MANBA: variants seen among roughly 807,000 people sequenced by gnomAD.
The protein encoded by MANBA is mannosidase beta, also known as beta-mannosidase.
In MANBA, 83 loss-of-function variants were observed where a neutral mutation model predicts 111.1. The observed-to-expected ratio is 0.75, with a 90% confidence interval of 0.63 to 0.90. The LOEUF is 0.90. MANBA is among the 40% of genes least tolerant of loss of function. The pLI is 0.00. For missense variants in MANBA, 1,036 were observed against 1,069.0 expected, an observed-to-expected ratio of 0.97 and a Z score of 0.43; for synonymous variants, 370 against 378.7, an observed-to-expected ratio of 0.98 and a Z score of 0.27.
chr4:102,660,105 C>T (rs17033100), intron 11 of MANBA, among the ~76,000 whole-genome samples: 2,689 of 152,252 alleles, frequency 0.018, 73 homozygotes, highest in African/African-American at 0.054. Context: ...TTGCCAACAT[C>T]GCAAATCCAA....
At chr4:102,642,014 C>G (rs1333444161) in intron 13 of MANBA, among the ~76,000 whole-genome samples, 1 of 151,900 alleles carries the variant, frequency 6.6e-6, no homozygotes, top group Non-Finnish European at 1.5e-5. Flanking sequence ...ATGCTAATAA[C>G]ATGGACCTGA....
chr4:102,635,801 C>T (rs2110189562), intron 15 of MANBA, 64 bp downstream of exon 15: 1 of 1,504,886 alleles, frequency 6.6e-7, no homozygotes, highest in South Asian at 1.1e-5. Context: ...AGAATGTAAC[C>T]AAACAACTAA....
At chr4:102,746,060 T>G (rs1047897970) in intron 1 of MANBA, among the ~76,000 whole-genome samples, 1 of 152,170 alleles carries the variant, frequency 6.6e-6, no homozygotes, top group Non-Finnish European at 1.5e-5. Flanking sequence ...ATGGTTTATC[T>G]CCTCAGACAA....
chr4:102,706,516 C>T (rs946131022), intron 5 of MANBA, among the ~76,000 whole-genome samples: 41 of 151,980 alleles, frequency 2.7e-4, no homozygotes, highest in African/African-American at 8.7e-4. Context: ...ATACCAGATG[C>T]GTGGATATAA....
chr4:102,631,965 C>G lies in MANBA; in HGVS notation c.*92G>C, dbSNP rs954346877. ...GGCAGCACGCAGACATGTCTCTCGG[C>G]TTCTCTCCTTGTCTCTGTTGCCTTC... On this transcript the variant is annotated 3_prime_UTR_variant, in exon 17 of 17. Transcript: ENST00000647097. The G allele has an allele frequency of 2.7e-6, 3 of 1,113,360 alleles. No individual in the cohort carries two copies. The highest frequency in any genetic ancestry group is 4.1e-6 in the Non-Finnish European group (3 of 735,116). 69.0% of individuals were successfully genotyped at this position (1,113,360 alleles called of 1,614,324 possible). A position where few individuals can be genotyped will look rare whatever the true frequency, so the allele number is the denominator to read the frequency against.
chr4:102,722,748 C>T (rs1250161954), intron 4 of MANBA, 123 bp downstream of exon 4: 7 of 986,696 alleles, frequency 7.1e-6, no homozygotes, highest in African/African-American at 1.6e-5. Flanking sequence ...TCAAACCCCA[C>T]TAAGGGATCA....
In MANBA at chr4:102,650,710, T is replaced by A; in HGVS notation, c.1705-9A>T. ...TCCTCTGTAGACGAGACCTTTCAAA[T>A]AAAGAATAAGAATTAGAAATCTGAA... On this transcript the variant is annotated splice_polypyrimidine_tract_variant and intron_variant, in intron 12 of 16. Coordinates refer to ENST00000647097, the MANE Select transcript of MANBA (RefSeq NM_005908.4). The A allele has an allele frequency of 6.2e-7, 1 of 1,608,336 alleles. No individual in the cohort carries two copies. Among genetic ancestry groups the A allele is most frequent in the African/African-American group, 1.3e-5 (1 of 74,894 alleles).
Position 102,664,742 on chromosome 4 carries a change from G to T in MANBA, c.1428C>A (p.Ile476=). The stretch of plus-strand genomic sequence containing the variant: ...AGAGTGTCACATAGTCCTTGATGTA[G>T]ATTGGCCGGTCAGTGAAACTGATAT... ...WYHISFTDRP[I]YIKDYVTLYV... is the part of the protein sequence containing the mutation. The change falls in exon 11 of 17, where the codon ATC becomes ATA. Residue 476 remains isoleucine (I), a synonymous_variant. Coordinates refer to ENST00000647097, the MANE Select transcript of MANBA (RefSeq NM_005908.4). 1 of 1,613,246 alleles carries T rather than the reference G, an allele frequency of 6.2e-7. No individual in the cohort carries two copies. Among genetic ancestry groups the T allele is most frequent in the Non-Finnish European group, 8.5e-7 (1 of 1,179,144 alleles).
chr4:102,718,829 G>A (rs1311560842), intron 4 of MANBA, among the ~76,000 whole-genome samples: 1 of 152,128 alleles, frequency 6.6e-6, no homozygotes, highest in African/African-American at 2.4e-5. Context: ...ATATTGGTAG[G>A]ACCGTGATGA....
intron 12 of MANBA, among the ~76,000 whole-genome samples, chr4:102,652,290 T>C (rs1011513912): frequency 6.6e-6 from 1 of 152,240 alleles, no homozygotes; most frequent in Non-Finnish European, 1.5e-5. Flanking sequence ...TATTCCACTC[T>C]ACTTCTTTGA....
At chr4:102,707,716 T>G (rs1733363223) in intron 5 of MANBA, among the ~76,000 whole-genome samples, 1 of 152,138 alleles carries the variant, frequency 6.6e-6, no homozygotes, top group Admixed American at 6.5e-5. Flanking sequence ...ATAAATTGAC[T>G]GACAGGATTT....
At chr4:102,741,247 C>T (rs2110205553) in intron 1 of MANBA, among the ~76,000 whole-genome samples, 1 of 152,088 alleles carries the variant, frequency 6.6e-6, no homozygotes, top group Middle Eastern at 3.4e-3. Flanking sequence ...TGAGATACTC[C>T]TTTACTCCTG....
Position 102,639,837 on chromosome 4 carries a change from G to A in MANBA, c.1890C>T (p.Val630=). 6.2e-7 allele frequency: 1 copy of A among 1,614,062 alleles called. No individual in the cohort carries two copies. The highest frequency in any genetic ancestry group is 8.5e-7 in the Non-Finnish European group (1 of 1,179,990). ...YLTQVMQAQC[V]KTETEFYRRS... ...GGCGGTAGAATTCAGTTTCTGTTTTGACACACTGGGCCTGCATCACCTGAT... is the reference window on the plus strand; with the variant it reads ...GGCGGTAGAATTCAGTTTCTGTTTTAACACACTGGGCCTGCATCACCTGAT... The change falls in exon 14 of 17, where the codon GTC becomes GTT. Residue 630 remains valine (V), a synonymous_variant. Transcript: ENST00000647097.
Position 102,685,002 on chromosome 4 carries a change from A to C in MANBA, c.960+4572T>G, listed in dbSNP as rs921550476. 6.1e-4 allele frequency among the ~76,000 whole-genome samples: 93 copies of C among 152,326 alleles called. 1 individual carries two copies. The highest frequency in any genetic ancestry group is 2.2e-3 in the African/African-American group (90 of 41,584). On this transcript the variant is annotated intron_variant, in intron 7 of 16. Coordinates refer to ENST00000647097, the MANE Select transcript of MANBA (RefSeq NM_005908.4). ...ACTGTACCTAAATGTCAAAAACATA[A>C]TGCTGAGCCAAATTAGCCACACACT...
chr4:102,680,071 A>G (rs991047708), intron 7 of MANBA, among the ~76,000 whole-genome samples: 1 of 152,200 alleles, frequency 6.6e-6, no homozygotes, highest in Non-Finnish European at 1.5e-5. Flanking sequence ...GGCGTTTGGC[A>G]TTGCTATGTG....
chr4:102,643,560 C>A (rs1385926823), intron 13 of MANBA, among the ~76,000 whole-genome samples: 5 of 152,150 alleles, frequency 3.3e-5, no homozygotes, highest in Non-Finnish European at 5.9e-5. Context: ...TGCCAATACT[C>A]ATTATTTTCC....
intron 1 of MANBA, among the ~76,000 whole-genome samples, chr4:102,750,159 TAGAAGC>T (rs1723735458): frequency 6.6e-6 from 1 of 152,194 alleles, no homozygotes; most frequent in Non-Finnish European, 1.5e-5. Flanking sequence ...TCACACCTGA[TAGAAGC>T]AGTCAAACTT....
At chr4:102,692,749 G>A (rs1347749687) in intron 5 of MANBA, among the ~76,000 whole-genome samples, 1 of 151,986 alleles carries the variant, frequency 6.6e-6, no homozygotes, top group Non-Finnish European at 1.5e-5. Flanking sequence ...CTATTTAGTG[G>A]CTTCTATTTT....
At chr4:102,732,935 CG>C (rs1723082432) in intron 1 of MANBA, among the ~76,000 whole-genome samples, 1 of 152,138 alleles carries the variant, frequency 6.6e-6, no homozygotes, top group Non-Finnish European at 1.5e-5. Flanking sequence ...ACACTAAGCC[CG>C]GGGGCTGGCT....
Sources: allele counts gnomAD v4.1 joint callset (sites outside exome capture counted in the v4.1 genomes callset), GRCh38; gene constraint gnomAD v4.1.1; transcripts MANE v1.5; gene names NCBI Gene and HGNC (gene_info 2026-07-23, HGNC 2026-07-21).